The following DENND5B variants were observed in gnomAD, a reference collection of about 807,000 sequenced individuals.
The protein encoded by DENND5B is DENN domain containing 5B.
Under a neutral mutation model 140.6 loss-of-function variants are expected in DENND5B, and 34 were observed. That is an observed-to-expected ratio of 0.24 (90% confidence interval 0.18 to 0.32). DENND5B has a LOEUF of 0.32. Ranked by LOEUF, DENND5B falls within the 10% of genes least tolerant of loss-of-function variation. The pLI is 1.00. For synonymous variants in DENND5B, 551 were observed against 562.1 expected, an observed-to-expected ratio of 0.98 and a Z score of 0.28; for missense variants, 1,142 against 1,560.2, an observed-to-expected ratio of 0.73 and a Z score of 4.52.
chr12:31,488,396 G>A (rs1039575754), intron 2 of DENND5B, among the ~76,000 whole-genome samples: 2 of 152,262 alleles, frequency 1.3e-5, no homozygotes, highest in South Asian at 2.1e-4. Flanking sequence ...CAAAATCATA[G>A]CTCAACTGCT....
chr12:31,563,444 TAAAGCAG>T (rs1949538886), intron 1 of DENND5B, among the ~76,000 whole-genome samples: 1 of 152,200 alleles, frequency 6.6e-6, no homozygotes, highest in Non-Finnish European at 1.5e-5. Context: ...CATTCCTGTG[TAAAGCAG>T]AGAGTTAATG....
chr12:31,418,090 C>T (rs915540473), intron 11 of DENND5B, among the ~76,000 whole-genome samples: 3 of 152,180 alleles, frequency 2.0e-5, no homozygotes, highest in African/African-American at 7.2e-5. Context: ...AAAAGCACTA[C>T]TTTCAAGGGC....
At chr12:31,397,857 G>C (rs1316495867) in intron 17 of DENND5B, among the ~76,000 whole-genome samples, 1 of 152,156 alleles carries the variant, frequency 6.6e-6, no homozygotes, top group African/African-American at 2.4e-5. Flanking sequence ...CCGGGAAGCA[G>C]AGGCTGCAGT....
intron 3 of DENND5B, among the ~76,000 whole-genome samples, chr12:31,472,610 ATAGCACTACCAAAGGT>A: frequency 6.6e-6 from 1 of 152,172 alleles, no homozygotes; most frequent in Non-Finnish European, 1.5e-5. Context: ...AAGTCTTAAT[ATAGCACTACCAAAGGT>A]TGCATGGACT....
At chr12:31,526,067 C>G (rs1393125615) in intron 1 of DENND5B, among the ~76,000 whole-genome samples, 2 of 152,146 alleles carry the variant, frequency 1.3e-5, no homozygotes, top group African/African-American at 4.8e-5. Flanking sequence ...TATTTCTCAC[C>G]TCACCCAGTT....
At chr12:31,513,594 T>A (rs574251307) in intron 1 of DENND5B, among the ~76,000 whole-genome samples, 1 of 152,328 alleles carries the variant, frequency 6.6e-6, no homozygotes, top group Non-Finnish European at 1.5e-5. Context: ...TTGGGCCATT[T>A]ACAACTCTTT....
rs1471055029 is a variant in DENND5B at position 31,415,441 on chromosome 12, G to A, written c.2478C>T (p.Leu826=). ...QEHLAESPVA[L]GPERRKSDSG... ...AGTCAGATTTTCTTCTTTCTGGTCCGAGGGCAACTATGTAGAAAAATATCA... is the reference window on the plus strand; with the variant it reads ...AGTCAGATTTTCTTCTTTCTGGTCCAAGGGCAACTATGTAGAAAAATATCA... The change falls in exon 12 of 21, where the codon CTC becomes CTT. Residue 826 remains leucine (L), a synonymous_variant. Coordinates refer to ENST00000389082, the MANE Select transcript of DENND5B (RefSeq NM_144973.4). 14 of 1,605,502 alleles carry A rather than the reference G, an allele frequency of 8.7e-6. No individual in the cohort carries two copies. Among genetic ancestry groups the A allele is most frequent in the African/African-American group, 8.0e-5 (6 of 74,768 alleles).
Position 31,385,677 on chromosome 12 carries a change from T to C in DENND5B, c.*1926A>G, listed in dbSNP as rs1192073710. 6.6e-6 allele frequency: 1 copy of C among 152,202 alleles called. No individual in the cohort carries two copies. Among genetic ancestry groups the C allele is most frequent in the Non-Finnish European group, 1.5e-5 (1 of 68,058 alleles). The allele number at this position is 152,202 out of a possible 1,614,324, so 9.4% of individuals were successfully genotyped here. ...GAACCATTTTCTTAAACCATTTCCA[T>C]GGGTTTTTATTTTTATCTATTTATT... On this transcript the variant is annotated 3_prime_UTR_variant, in exon 21 of 21. Coordinates refer to ENST00000389082, the MANE Select transcript of DENND5B (RefSeq NM_144973.4).
At chr12:31,527,664 G>A (rs1394714495) in intron 1 of DENND5B, among the ~76,000 whole-genome samples, 1 of 152,084 alleles carries the variant, frequency 6.6e-6, no homozygotes, top group Admixed American at 6.5e-5. Flanking sequence ...TGTAATCCCA[G>A]CTACTCGGGA....
intron 1 of DENND5B, chr12:31,499,664 G>A: frequency 6.7e-7 from 1 of 1,490,206 alleles, no homozygotes; most frequent in Non-Finnish European, 8.9e-7. Context: ...CTAGCCATTG[G>A]TACAAAACTA....
chr12:31,514,823 A>T (rs370675034), intron 1 of DENND5B, among the ~76,000 whole-genome samples: 1 of 120,486 alleles, frequency 8.3e-6, no homozygotes, highest in East Asian at 3.0e-4. Context: ...CTCCGTCTCA[A>T]AAAAAAAAAA....
chr12:31,444,464 G>A (rs1045064417), intron 6 of DENND5B, among the ~76,000 whole-genome samples: 9 of 152,190 alleles, frequency 5.9e-5, no homozygotes, highest in South Asian at 4.1e-4. Flanking sequence ...GGCTGGTCTC[G>A]AACCCATGAC....
intron 3 of DENND5B, 104 bp downstream of exon 3, chr12:31,479,485 G>T: frequency 1.8e-6 from 2 of 1,127,966 alleles, no homozygotes; most frequent in Non-Finnish European, 2.4e-6. Context: ...AAACAGAAAA[G>T]ACTGTGATCA....
intron 14 of DENND5B, among the ~76,000 whole-genome samples, chr12:31,409,038 T>C (rs539764745): frequency 6.6e-6 from 1 of 152,296 alleles, no homozygotes; most frequent in South Asian, 2.1e-4. Context: ...AGGTATCATC[T>C]CCAGTGAGGT....
intron 1 of DENND5B, among the ~76,000 whole-genome samples, chr12:31,577,433 G>A (rs1034687810): frequency 2.0e-5 from 3 of 152,026 alleles, no homozygotes; most frequent in Non-Finnish European, 2.9e-5. Flanking sequence ...TCTTTAGGCC[G>A]GGCACGGTGG....
intron 1 of DENND5B, among the ~76,000 whole-genome samples, chr12:31,502,814 C>A (rs754414861): frequency 1.3e-5 from 2 of 152,148 alleles, no homozygotes; most frequent in Non-Finnish European, 2.9e-5. Context: ...TCAACAAAAA[C>A]AACAAAGGGC....
At chr12:31,433,046 G>GTTTT in intron 8 of DENND5B, 109 bp downstream of exon 8, 1 of 834,986 alleles carries the variant, frequency 1.2e-6, no homozygotes, top group Non-Finnish European at 1.9e-6. Flanking sequence ...TAACTAAACA[G>GTTTT]TTTTTTTTTT....
intron 1 of DENND5B, among the ~76,000 whole-genome samples, chr12:31,539,971 G>T (rs1369101684): frequency 6.6e-6 from 1 of 151,818 alleles, no homozygotes; most frequent in Non-Finnish European, 1.5e-5. Context: ...TCTCGTATTT[G>T]GAAAAACCTA....
chr12:31,536,446 A>C (rs549276801), intron 1 of DENND5B, among the ~76,000 whole-genome samples: 1 of 152,214 alleles, frequency 6.6e-6, no homozygotes, highest in South Asian at 2.1e-4. Flanking sequence ...AGAATGCATC[A>C]GAGTTTTTTA....
Sources: gnomAD v4.1 joint callset for allele counts (sites outside exome capture counted in the v4.1 genomes callset) on GRCh38, gnomAD v4.1.1 for gene constraint, MANE v1.5 for transcripts, NCBI Gene and HGNC (gene_info 2026-07-23, HGNC 2026-07-21) for gene names.